NCAPG: variants seen among roughly 807,000 people sequenced by gnomAD.
NCAPG encodes the protein condensin complex subunit 3.
A neutral mutation model predicts 113.1 loss-of-function variants in NCAPG; 69 were observed. The ratio of observed to expected loss-of-function variants is 0.61; its 90% CI spans 0.50 to 0.75. NCAPG has a LOEUF of 0.75. Ranked by LOEUF, NCAPG falls within the 30% of genes least tolerant of loss-of-function variation. The probability of loss-of-function intolerance (pLI) is 0.00; values close to 1 mark genes in which losing one functional copy is unlikely to be tolerated. For synonymous variants in NCAPG, 370 were observed against 415.8 expected, an observed-to-expected ratio of 0.89 and a Z score of 1.34; for missense variants, 1,058 against 1,177.0, an observed-to-expected ratio of 0.90 and a Z score of 1.48.
At position 17,823,788 on chromosome 4, in the gene NCAPG, T is replaced by C. The variant is rs200398043; in HGVS notation, c.1383+18T>C. On this transcript the variant is annotated intron_variant, in intron 9 of 20. Coordinates refer to ENST00000251496, the MANE Select transcript of NCAPG (RefSeq NM_022346.5). ...CACAAATTGTAAGTAATTTTCCTCATTGTTGATAAAGAGGTTTTGGTCAAT... is the reference window on the plus strand; with the variant it reads ...CACAAATTGTAAGTAATTTTCCTCACTGTTGATAAAGAGGTTTTGGTCAAT... 3.8e-4 allele frequency: 598 copies of C among 1,579,414 alleles called. 3 individuals are homozygous for C. The highest frequency in any genetic ancestry group is 7.5e-5 in the Non-Finnish European group (87 of 1,155,034).
At chr4:17,828,958 AAG>A (rs1721765464) in intron 12 of NCAPG, among the ~76,000 whole-genome samples, 1 of 151,728 alleles carries the variant, frequency 6.6e-6, no homozygotes, top group African/African-American at 2.4e-5. Context: ...AAAAAAAAAA[AAG>A]AGGATAATTT....
chr4:17,830,477 T>C (rs1032266932), intron 12 of NCAPG, among the ~76,000 whole-genome samples: 2 of 151,806 alleles, frequency 1.3e-5, no homozygotes, highest in African/African-American at 4.8e-5. Flanking sequence ...ATCTTGTTAA[T>C]AGTATTTATA....
intron 14 of NCAPG, 86 bp from the exon 15 acceptor site, chr4:17,837,073 G>T: frequency 6.6e-6 from 8 of 1,208,580 alleles, no homozygotes; most frequent in Admixed American, 2.4e-5. Flanking sequence ...GATGGTTCGT[G>T]TAAAAATACT....
In NCAPG at chr4:17,828,272, T is replaced by TA. The variant is rs1194387083; in HGVS notation, c.1654-6_1654-5insA. 6.3e-7 allele frequency: 1 copy of TA among 1,594,818 alleles called. No homozygotes were observed. The highest frequency in any genetic ancestry group is 8.6e-7 in the Non-Finnish European group (1 of 1,168,650). The stretch of plus-strand genomic sequence containing the variant: ...ACTAATGCTGAATATTTTGTCTTCA[T>TA]TTTAGAATGATGCTGAAACATTGCA... On this transcript the variant is annotated splice_polypyrimidine_tract_variant and splice_region_variant and intron_variant, in intron 11 of 20. Transcript: ENST00000251496.
At chr4:17,819,728 A>G (rs1431531202) in intron 7 of NCAPG, among the ~76,000 whole-genome samples, 2 of 152,094 alleles carry the variant, frequency 1.3e-5, no homozygotes, top group Non-Finnish European at 2.9e-5. Flanking sequence ...AAGCTTCCAT[A>G]TAATATGAAT....
At chr4:17,817,895 T>C (rs1289782694) in intron 6 of NCAPG, 44 bp from the exon 7 acceptor site, 1 of 1,537,862 alleles carries the variant, frequency 6.5e-7, no homozygotes, top group Non-Finnish European at 8.7e-7. Context: ...TTCTTAATGA[T>C]AAAAAGATCA....
chr4:17,811,196 C>T lies in NCAPG; in HGVS notation c.111+8C>T. The T allele has an allele frequency of 6.9e-7, 1 of 1,455,844 alleles. No homozygotes were observed. The highest frequency in any genetic ancestry group is 9.1e-7 in the Non-Finnish European group (1 of 1,095,944). 90.2% of individuals were successfully genotyped at this position (1,455,844 alleles called of 1,614,324 possible). On this transcript the variant is annotated splice_region_variant and intron_variant, in intron 1 of 20. Coordinates refer to ENST00000251496, the MANE Select transcript of NCAPG (RefSeq NM_022346.5). This position sits in a 1 kb window ranked among gnomAD's most constrained non-coding sequence, Gnocchi z 5.3. Reference sequence around the variant, plus strand: ...AGCCGCACCTACCGCACGGTAAGCGCTCCCGGCCCCGGCCGCCGCCTCTCG... The same window carrying T: ...AGCCGCACCTACCGCACGGTAAGCGTTCCCGGCCCCGGCCGCCGCCTCTCG...
chr4:17,811,206 CG>C lies in NCAPG; in HGVS notation c.111+20del. The C allele has an allele frequency of 2.1e-6, 3 of 1,426,878 alleles. No individual in the cohort carries two copies. The highest frequency in any genetic ancestry group is 2.8e-6 in the Non-Finnish European group (3 of 1,075,410). 88.4% of individuals were successfully genotyped at this position (1,426,878 alleles called of 1,614,324 possible). A position where few individuals can be genotyped will look rare whatever the true frequency, so the allele number is the denominator to read the frequency against. ...ACCGCACGGTAAGCGCTCCCGGCCC[CG>C]GCCGCCGCCTCTCGCCCGCCCCGGC... On this transcript the variant is annotated intron_variant, in intron 1 of 20. Transcript: ENST00000251496. The surrounding 1 kb of genome is among the most constrained non-coding windows in gnomAD (Gnocchi z 5.3).
intron 19 of NCAPG, 95 bp from the exon 20 acceptor site, chr4:17,842,215 T>G: frequency 9.0e-6 from 9 of 1,004,694 alleles, no homozygotes. Context: ...AGGATTGTTG[T>G]GTTGAAGACA....
chr4:17,812,509 C>A, intron 2 of NCAPG, 85 bp downstream of exon 2: 1 of 964,498 alleles, frequency 1.0e-6, no homozygotes, highest in Non-Finnish European at 1.6e-6. Context: ...ATGTTTTTGA[C>A]AATGAAATAT....
intron 12 of NCAPG, among the ~76,000 whole-genome samples, chr4:17,830,442 T>C (rs1187802042): frequency 6.6e-6 from 1 of 151,620 alleles, no homozygotes; most frequent in Non-Finnish European, 1.5e-5. Flanking sequence ...TTTCAAAGAC[T>C]AGTACAAAGA....
At chr4:17,834,855 T>C (rs1331118425) in intron 14 of NCAPG, among the ~76,000 whole-genome samples, 5 of 152,224 alleles carry the variant, frequency 3.3e-5, no homozygotes, top group Non-Finnish European at 7.3e-5. Context: ...ACTTTTTAAA[T>C]ATCTTAATTA....
At chr4:17,836,549 G>C (rs1722103466) in intron 14 of NCAPG, among the ~76,000 whole-genome samples, 1 of 152,014 alleles carries the variant, frequency 6.6e-6, no homozygotes, top group South Asian at 2.1e-4. Flanking sequence ...TTTCTTCTGA[G>C]AGTTTTCTGG....
intron 20 of NCAPG, 35 bp downstream of exon 20, chr4:17,842,414 A>G: frequency 1.3e-6 from 2 of 1,536,168 alleles, no homozygotes; most frequent in Middle Eastern, 1.7e-4. Context: ...ATGGAGGCCT[A>G]TCTTCACTTT....
At chr4:17,837,562 A>G in intron 15 of NCAPG, 65 bp from the exon 16 acceptor site, 1 of 1,522,922 alleles carries the variant, frequency 6.6e-7, no homozygotes, top group Non-Finnish European at 8.8e-7. Context: ...GTAGTTTTGA[A>G]TTTCATACTT....
chr4:17,821,710 C>T lies in NCAPG; in HGVS notation c.1119-1273C>T, dbSNP rs1266388943. On this transcript the variant is annotated intron_variant, in intron 7 of 20. Coordinates refer to ENST00000251496, the MANE Select transcript of NCAPG (RefSeq NM_022346.5). ...AACTCCTGATGTCAAGTGATCCTCC[C>T]GCCTCAACCCCCCGAAGTGGTTGGG... 5.3e-5 allele frequency among the ~76,000 whole-genome samples: 8 copies of T among 151,964 alleles called. No homozygotes were observed. The South Asian group carries it at 8.3e-4, about 16-fold the overall frequency.
chr4:17,819,131 G>A (rs1180274373), intron 7 of NCAPG, among the ~76,000 whole-genome samples: 1 of 151,490 alleles, frequency 6.6e-6, no homozygotes, highest in Non-Finnish European at 1.5e-5. Flanking sequence ...ATATATTGGT[G>A]CATATATAAT....
chr4:17,835,164 A>G (rs758842032), intron 14 of NCAPG, among the ~76,000 whole-genome samples: 41 of 152,300 alleles, frequency 2.7e-4, no homozygotes, highest in African/African-American at 5.1e-4. Context: ...AAAATTTTTT[A>G]TACTGATTGT....
intron 14 of NCAPG, among the ~76,000 whole-genome samples, chr4:17,836,253 T>C (rs968375532): frequency 1.3e-5 from 2 of 152,192 alleles, no homozygotes; most frequent in Non-Finnish European, 2.9e-5. Flanking sequence ...TGGCCATTTG[T>C]ATATTTTGTT....
Sources: allele counts gnomAD v4.1 joint callset (sites outside exome capture counted in the v4.1 genomes callset), GRCh38; gene constraint gnomAD v4.1.1; non-coding constraint Gnocchi (gnomAD v3.1); transcripts MANE v1.5; gene names NCBI Gene and HGNC (gene_info 2026-07-23, HGNC 2026-07-21).